TOX3: variants seen among roughly 807,000 people sequenced by gnomAD.
TOX3 encodes TOX high mobility group box family member 3.
TOX3 carries 22 observed loss-of-function variants against 64.3 expected under a neutral mutation model. The ratio of observed to expected loss-of-function variants is 0.34; its 90% CI spans 0.24 to 0.49. The LOEUF (loss-of-function observed/expected upper bound fraction) is 0.49, where lower values mean the gene tolerates loss of function less well. TOX3 is among the 20% of genes least tolerant of loss of function. TOX3 has a pLI of 0.99. For synonymous variants in TOX3, 291 were observed against 273.6 expected (o/e 1.06, Z -0.63); for missense variants, 661 against 714.4 (o/e 0.93, Z 0.85).
chr16:52,508,607 A>T (rs559292731), intron 1 of TOX3, among the ~76,000 whole-genome samples: 1 of 152,330 alleles, frequency 6.6e-6, no homozygotes, highest in African/African-American at 2.4e-5. Context: ...GCAATATATT[A>T]TTAGGGGATA....
intron 1 of TOX3, among the ~76,000 whole-genome samples, chr16:52,539,882 G>A (rs569664518): frequency 4.6e-5 from 7 of 152,108 alleles, no homozygotes; most frequent in Middle Eastern, 3.4e-3. Context: ...CCTTCCAGTC[G>A]GGAGGTTCTG....
intron 3 of TOX3, among the ~76,000 whole-genome samples, chr16:52,457,381 T>C (rs1234258641): frequency 6.6e-6 from 1 of 152,206 alleles, no homozygotes; most frequent in Non-Finnish European, 1.5e-5. Context: ...CAAATGTGTT[T>C]AATGCATCTT....
chr16:52,466,889 A>G (rs545333779), intron 2 of TOX3, among the ~76,000 whole-genome samples: 1 of 152,232 alleles, frequency 6.6e-6, no homozygotes, highest in Non-Finnish European at 1.5e-5. Flanking sequence ...ATCTGAGATT[A>G]TAAAAAAATA....
chr16:52,477,373 G>T (rs937098671), intron 1 of TOX3, among the ~76,000 whole-genome samples: 1 of 152,140 alleles, frequency 6.6e-6, no homozygotes, highest in Non-Finnish European at 1.5e-5. Flanking sequence ...GAGGCAGAGA[G>T]AGAGAGATGT....
At position 52,546,991 on chromosome 16, in the gene TOX3, C is replaced by G. The variant is rs1245884940; in HGVS notation, c.-268G>C. 1.0e-6 allele frequency: 1 copy of G among 975,110 alleles called. No homozygotes were observed. Among genetic ancestry groups the G allele is most frequent in the Non-Finnish European group, 1.2e-6 (1 of 823,652 alleles). 60.4% of individuals were successfully genotyped at this position (975,110 alleles called of 1,614,324 possible). A position where few individuals can be genotyped will look rare whatever the true frequency, so the allele number is the denominator to read the frequency against. ...CACCGAGGCAGCGCTGCGCGCGGGCCGGGCGCCGGGGGCGCGGGGCGCGGC... is the reference window on the plus strand; with the variant it reads ...CACCGAGGCAGCGCTGCGCGCGGGCGGGGCGCCGGGGGCGCGGGGCGCGGC... On this transcript the variant is annotated 5_prime_UTR_variant, in exon 1 of 7. Transcript: ENST00000219746.
intron 1 of TOX3, among the ~76,000 whole-genome samples, chr16:52,522,644 C>T (rs1260215730): frequency 6.6e-6 from 1 of 152,144 alleles, no homozygotes; most frequent in Non-Finnish European, 1.5e-5. Context: ...AGCTGTCCCA[C>T]TGGGAAAGCA....
chr16:52,483,011 G>T (rs148418377), intron 1 of TOX3, among the ~76,000 whole-genome samples: 6 of 152,038 alleles, frequency 3.9e-5, no homozygotes, highest in Admixed American at 3.9e-4. Context: ...AATAAACCCC[G>T]TATAATAGGG....
chr16:52,458,863 G>C (rs902771783), intron 3 of TOX3, among the ~76,000 whole-genome samples: 1 of 152,128 alleles, frequency 6.6e-6, no homozygotes, highest in African/African-American at 2.4e-5. Flanking sequence ...CAATTATCAA[G>C]GTATAGTAAC....
chr16:52,470,553 G>A (rs1363218529), intron 1 of TOX3, among the ~76,000 whole-genome samples: 1 of 152,168 alleles, frequency 6.6e-6, no homozygotes, highest in Non-Finnish European at 1.5e-5. Context: ...TAAGCTTAGA[G>A]TGAAATAAGA....
intron 1 of TOX3, among the ~76,000 whole-genome samples, chr16:52,541,787 G>T (rs1390172219): frequency 6.6e-6 from 1 of 152,186 alleles, no homozygotes; most frequent in Non-Finnish European, 1.5e-5. Context: ...GTCTTCATCA[G>T]TAGCCCAGCA....
At position 52,450,248 on chromosome 16, in the gene TOX3, G is replaced by A. The variant is rs550743984; in HGVS notation, c.678+29C>T. ...TGGGGTAATCCCATATTCTCTGGCA[G>A]GTTACACACTAAGGCAGTTCTAACT... On this transcript the variant is annotated intron_variant, in intron 4 of 6. Coordinates refer to ENST00000219746, the MANE Select transcript of TOX3 (RefSeq NM_001080430.4). 17 of 1,612,784 alleles carry A rather than the reference G, an allele frequency of 1.1e-5. No homozygotes were observed. The East Asian group carries it at 1.3e-4, about 13-fold the overall frequency.
At chr16:52,469,715 G>C (rs532657760) in intron 1 of TOX3, among the ~76,000 whole-genome samples, 1 of 152,128 alleles carries the variant, frequency 6.6e-6, no homozygotes, top group South Asian at 2.1e-4. Context: ...TAAATATTGA[G>C]AATAAATAGA....
rs1959769595 is a variant in TOX3, at chr16:52,436,920, C to A, written c.*2305G>T. 6.6e-6 allele frequency: 1 copy of A among 152,130 alleles called. No homozygotes were observed. The highest frequency in any genetic ancestry group is 2.4e-5 in the African/African-American group (1 of 41,438). 9.4% of individuals were successfully genotyped at this position (152,130 alleles called of 1,614,324 possible). ...ACAATTACTGTCACATGTAGTTTAG[C>A]AATTAATTTTGAAGACATCTGTCTA... On this transcript the variant is annotated 3_prime_UTR_variant, in exon 7 of 7. Transcript: ENST00000219746.
chr16:52,522,627 G>A (rs915269738), intron 1 of TOX3, among the ~76,000 whole-genome samples: 6 of 152,162 alleles, frequency 3.9e-5, no homozygotes, highest in African/African-American at 1.2e-4. Context: ...GTGCAGGACA[G>A]GGTGACAGCT....
chr16:52,466,130 T>C (rs1034716310), intron 2 of TOX3, among the ~76,000 whole-genome samples: 3 of 152,334 alleles, frequency 2.0e-5, no homozygotes, highest in Admixed American at 2.0e-4. Flanking sequence ...CCATTACTGC[T>C]TAATGAAATC....
intron 1 of TOX3, among the ~76,000 whole-genome samples, chr16:52,479,687 G>T (rs773595281): frequency 4.6e-5 from 7 of 152,140 alleles, no homozygotes; most frequent in Non-Finnish European, 1.0e-4. Flanking sequence ...CTCTGATGTT[G>T]CTAGAATTGA....
intron 1 of TOX3, among the ~76,000 whole-genome samples, chr16:52,485,258 A>ATATATGTG (rs1961496745): frequency 6.8e-6 from 1 of 146,506 alleles, no homozygotes; most frequent in African/African-American, 2.6e-5. Context: ...ATATATATAT[A>ATATATGTG]TATATATATA....
rs1232595354 is a variant in TOX3, at chr16:52,436,853, A to G, written c.*2372T>C. 6.6e-6 allele frequency: 1 copy of G among 152,234 alleles called. No individual in the cohort carries two copies. 9.4% of individuals were successfully genotyped at this position (152,234 alleles called of 1,614,324 possible). On this transcript the variant is annotated 3_prime_UTR_variant, in exon 7 of 7. Transcript: ENST00000219746. ...CACTAGTGACATTTTTTTCCAAGCA[A>G]TACTTCATGGGTTTTCAAAATGACA...
At chr16:52,462,045 A>T (rs1283707356) in intron 3 of TOX3, among the ~76,000 whole-genome samples, 1 of 152,102 alleles carries the variant, frequency 6.6e-6, no homozygotes, top group Non-Finnish European at 1.5e-5. Context: ...TCAAGGTGAA[A>T]TTCTACTAGA....
Sources: gnomAD v4.1 joint callset for allele counts (sites outside exome capture counted in the v4.1 genomes callset) on GRCh38, gnomAD v4.1.1 for gene constraint, MANE v1.5 for transcripts, NCBI Gene and HGNC (gene_info 2026-07-23, HGNC 2026-07-21) for gene names.